CYP24A1: variants seen among roughly 807,000 people sequenced by gnomAD.
CYP24A1 encodes the protein cytochrome P450 family 24 subfamily A member 1.
In CYP24A1, 68 loss-of-function variants were observed where a neutral mutation model predicts 62.4. The observed-to-expected ratio is 1.09, with a 90% CI of 0.90 to 1.33. The LOEUF is 1.33. Among genes scored for constraint, CYP24A1 ranks in the 40% most tolerant of loss-of-function variants. The probability of loss-of-function intolerance (pLI) is 0.00; values close to 1 mark genes in which losing one functional copy is unlikely to be tolerated. For missense variants in CYP24A1, 787 were observed against 653.0 expected (o/e 1.21, Z -2.24); for synonymous variants, 267 against 253.0 (o/e 1.06, Z -0.52).
intron 2 of CYP24A1, 93 bp from the exon 3 acceptor site, chr20:54,171,763 TCAAA>T (rs1474533613): frequency 1.6e-5 from 25 of 1,609,418 alleles, no homozygotes; most frequent in Non-Finnish European, 2.0e-5. Context: ...AACCATAAAA[TCAAA>T]CAAACACTGA....
In CYP24A1 at chr20:54,173,472, AG is replaced by A. The variant is rs1490302193; in HGVS notation, c.107del (p.Pro36LeufsTer11). ...GGCAGACTGGCACCTCTCGCGGCTG[AG>A]GGGACGTGTACGCCGTAGATGTCAC... ...RLVTSTAYTS[P>X]QPREVPVCPL... On this transcript the variant is annotated frameshift_variant, in exon 1 of 12. Coordinates refer to ENST00000216862, the MANE Select transcript of CYP24A1 (RefSeq NM_000782.5). LOFTEE classifies it high-confidence loss of function. The surrounding 1 kb of genome is among the most constrained non-coding windows in gnomAD (Gnocchi z 7.2). 1.3e-6 allele frequency: 2 copies of A among 1,565,920 alleles called. No homozygotes were observed. The highest frequency in any genetic ancestry group is 1.7e-6 in the Non-Finnish European group (2 of 1,155,824).
chr20:54,149,904 T>G (rs1445700996), downstream of CYP24A1, among the ~76,000 whole-genome samples: 1 of 152,194 alleles, frequency 6.6e-6, no homozygotes, highest in Non-Finnish European at 1.5e-5. Flanking sequence ...AAGTGCATTT[T>G]TCATGTGACA....
At chr20:54,158,857 T>G (rs2092639268) in intron 8 of CYP24A1, 100 bp downstream of exon 8, 1 of 1,589,546 alleles carries the variant, frequency 6.3e-7, no homozygotes, top group Non-Finnish European at 8.6e-7. Context: ...TTGTTTCTAA[T>G]TAGCTAGGGG....
At chr20:54,170,488 C>A (rs1381561007) in intron 3 of CYP24A1, among the ~76,000 whole-genome samples, 2 of 152,046 alleles carry the variant, frequency 1.3e-5, no homozygotes, top group Non-Finnish European at 2.9e-5. Flanking sequence ...GCCATACAGC[C>A]CACATGTGTG....
rs772361457 is a variant in CYP24A1 at position 54,173,392 on chromosome 20, C to G, written c.188G>C (p.Ser63Thr). The change falls in exon 1 of 12, where the codon AGC (serine) becomes ACC (threonine). Residue 63 changes from serine (S) to threonine (T), a missense_variant. Ser to Thr is a moderately conservative substitution (Grantham distance 58). Coordinates refer to ENST00000216862, the MANE Select transcript of CYP24A1 (RefSeq NM_000782.5). This position sits in a 1 kb window ranked among gnomAD's most constrained non-coding sequence, Gnocchi z 7.2. ...CAGCAGGCTGCCCAGCAGTGGCCAGCTGGTGGGGCCCGGCAGGGCGGCCGC... is the reference window on the plus strand; with the variant it reads ...CAGCAGGCTGCCCAGCAGTGGCCAGGTGGTGGGGCCCGGCAGGGCGGCCGC... ...QNAAALPGPT[S>T]WPLLGSLLQI... 1.9e-6 allele frequency: 3 copies of G among 1,591,732 alleles called. No homozygotes were observed. In the South Asian group the frequency reaches 3.4e-5, roughly 18 times the overall value.
chr20:54,169,492 CA>C (rs1404142514), intron 4 of CYP24A1, 99 bp downstream of exon 4: 1 of 1,588,176 alleles, frequency 6.3e-7, no homozygotes, highest in East Asian at 2.3e-5. Context: ...TTTCCCTAGG[CA>C]GCAATAATGC....
At chr20:54,169,459 G>A (rs926483742) in intron 4 of CYP24A1, 133 bp downstream of exon 4, 1 of 1,537,598 alleles carries the variant, frequency 6.5e-7, no homozygotes, top group Non-Finnish European at 8.7e-7. Context: ...CCTAAAAGAA[G>A]CATTAAAAGG....
chr20:54,159,526 C>A (rs1027891810), intron 7 of CYP24A1, among the ~76,000 whole-genome samples: 13 of 151,930 alleles, frequency 8.6e-5, no homozygotes, highest in African/African-American at 3.1e-4. Flanking sequence ...TCCTGAGTAG[C>A]TGGGACTACA....
Position 54,168,085 on chromosome 20 carries a change from T to C in CYP24A1, c.640+1507A>G, listed in dbSNP as rs557800351. Among the ~76,000 whole-genome samples the C allele has an allele frequency of 2.6e-5, 4 of 152,090 alleles. No homozygotes were observed. The South Asian group carries it at 8.4e-4, about 32-fold the overall frequency. On this transcript the variant is annotated intron_variant, in intron 4 of 11. Coordinates refer to ENST00000216862, the MANE Select transcript of CYP24A1 (RefSeq NM_000782.5). Reference sequence around the variant, plus strand: ...TGCAGGGACACTCTCCTTCCTCCCTTTTCACCTGGTGAACTCCTACTCAAC... The same window carrying C: ...TGCAGGGACACTCTCCTTCCTCCCTCTTCACCTGGTGAACTCCTACTCAAC...
chr20:54,152,177 C>T (rs1001623486), downstream of CYP24A1, among the ~76,000 whole-genome samples: 1 of 152,202 alleles, frequency 6.6e-6, no homozygotes, highest in African/African-American at 2.4e-5. Flanking sequence ...CACCTGCAGC[C>T]TTCTTCAAAG....
At chr20:54,169,571 A>G in intron 4 of CYP24A1, 21 bp downstream of exon 4, 2 of 1,614,056 alleles carry the variant, frequency 1.2e-6, no homozygotes, top group Non-Finnish European at 1.7e-6. Context: ...ATCAGTGAGC[A>G]AGTCTGTGAC....
rs2092673349 is a variant in CYP24A1 at position 54,166,720 on chromosome 20, T to C, written c.641-887A>G. On this transcript the variant is annotated intron_variant, in intron 4 of 11. Transcript: ENST00000216862. The stretch of plus-strand genomic sequence containing the variant: ...CCATTGTCCTAAAAATTATCTCTTG[T>C]AACCTTTTTTTTTTAAAAAAAGGAC... 2.0e-5 allele frequency among the ~76,000 whole-genome samples: 3 copies of C among 151,936 alleles called. No individual in the cohort carries two copies. In the South Asian group the frequency reaches 6.2e-4, roughly 32 times the overall value.
chr20:54,173,506 G>C lies in CYP24A1; in HGVS notation c.74C>G (p.Pro25Arg). The C allele has an allele frequency of 1.3e-6, 2 of 1,567,136 alleles. No homozygotes were observed. The highest frequency in any genetic ancestry group is 1.7e-6 in the Non-Finnish European group (2 of 1,156,340). Reference protein sequence around the residue: ...LQQLRSPRQPPRLVTSTAYTS... With the variant: ...LQQLRSPRQPRRLVTSTAYTS... ...GTACGCCGTAGATGTCACCAGTCTC[G>C]GGGGCTGCCTCGGACTGCGCAGCTG... The change falls in exon 1 of 12, where the codon CCG (proline) becomes CGG (arginine). Residue 25 changes from proline (P) to arginine (R), a missense_variant. Coordinates refer to ENST00000216862, the MANE Select transcript of CYP24A1 (RefSeq NM_000782.5). This position sits in a 1 kb window ranked among gnomAD's most constrained non-coding sequence, Gnocchi z 7.2.
At chr20:54,151,767 G>A (rs1378240339), downstream of CYP24A1, among the ~76,000 whole-genome samples, 3 of 152,034 alleles carry the variant, frequency 2.0e-5, no homozygotes, top group South Asian at 2.1e-4. Flanking sequence ...AGTACATGAC[G>A]TGCATCCCAC....
chr20:54,165,956 G>T, intron 4 of CYP24A1, 123 bp from the exon 5 acceptor site: 1 of 746,840 alleles, frequency 1.3e-6, no homozygotes, highest in South Asian at 1.5e-5. Context: ...CTGAGAAAAG[G>T]CAACAGTCCA....
At chr20:54,156,198 C>G (rs2092627357) in intron 11 of CYP24A1, among the ~76,000 whole-genome samples, 1 of 152,084 alleles carries the variant, frequency 6.6e-6, no homozygotes, top group Non-Finnish European at 1.5e-5. Flanking sequence ...GGCAGAATAA[C>G]AGATCTCCTA....
At chr20:54,163,792 G>A (rs774624864) in intron 6 of CYP24A1, among the ~76,000 whole-genome samples, 3 of 151,512 alleles carry the variant, frequency 2.0e-5, no homozygotes, top group Non-Finnish European at 4.4e-5. Flanking sequence ...TTACATTGAG[G>A]TAGGTTCTCT....
Position 54,158,115 on chromosome 20 carries a change from C to A in CYP24A1, c.1207G>T (p.Val403Phe). The change falls in exon 9 of 12, where the codon GTT becomes TTT. Residue 403 changes from valine to phenylalanine, a missense_variant. Val to Phe is a conservative substitution (Grantham distance 50). Transcript: ENST00000216862. ...TTGGGTAAAGCATATTCACCCAGAA[C>A]TGTTGCCTTGTCAAGAGTCCGAGTT... Reference protein sequence around the residue: ...FTTRTLDKATVLGEYALPKGT... With the variant: ...FTTRTLDKATFLGEYALPKGT... The A allele has an allele frequency of 6.2e-7, 1 of 1,614,010 alleles. No individual in the cohort carries two copies. Among genetic ancestry groups the A allele is most frequent in the Non-Finnish European group, 8.5e-7 (1 of 1,180,014 alleles).
intron 6 of CYP24A1, among the ~76,000 whole-genome samples, chr20:54,163,266 G>C (rs1251360472): frequency 6.6e-6 from 1 of 152,126 alleles, no homozygotes; most frequent in Non-Finnish European, 1.5e-5. Flanking sequence ...GTAGGATTTG[G>C]GTTCACTTTC....
Sources: allele counts gnomAD v4.1 joint callset (sites outside exome capture counted in the v4.1 genomes callset), GRCh38; gene constraint gnomAD v4.1.1; non-coding constraint Gnocchi (gnomAD v3.1); transcripts MANE v1.5; gene names NCBI Gene and HGNC (gene_info 2026-07-23, HGNC 2026-07-21).